The following LRMDA variants were observed in gnomAD, a reference collection of about 807,000 sequenced individuals.
LRMDA encodes the protein leucine rich melanocyte differentiation associated, also known as leucine-rich melanocyte differentiation-associated protein.
A neutral mutation model predicts 29.8 loss-of-function variants in LRMDA; 18 were observed. The observed-to-expected ratio is 0.60, with a 90% CI of 0.42 to 0.90. LRMDA has a LOEUF of 0.90. LRMDA is among the 40% of genes least tolerant of loss of function. The pLI, the probability that LRMDA is intolerant of heterozygous loss-of-function variation, is 0.00. For synonymous variants in LRMDA, 125 were observed against 109.4 expected, an observed-to-expected ratio of 1.14 and a Z score of -0.89; for missense variants, 273 against 273.9, an observed-to-expected ratio of 1.00 and a Z score of 0.02.
intron 2 of LRMDA, among the ~76,000 whole-genome samples, chr10:75,634,643 C>G (rs1304540426): frequency 6.6e-6 from 1 of 152,156 alleles, no homozygotes; most frequent in African/African-American, 2.4e-5. Context: ...AAATTGAAAA[C>G]AGAGGTATAA....
chr10:76,383,064 T>C (rs1016472003), intron 6 of LRMDA, among the ~76,000 whole-genome samples: 5 of 152,214 alleles, frequency 3.3e-5, no homozygotes, highest in Admixed American at 1.3e-4. Flanking sequence ...ATTCTCAAGC[T>C]ACATGTCTCA....
intron 2 of LRMDA, among the ~76,000 whole-genome samples, chr10:75,830,012 C>T (rs1427984469): frequency 6.6e-6 from 1 of 152,064 alleles, no homozygotes; most frequent in African/African-American, 2.4e-5. Flanking sequence ...CATAGATTTT[C>T]TTTGATTAGT....
chr10:75,507,116 T>TC (rs2132029819), intron 2 of LRMDA, among the ~76,000 whole-genome samples: 1 of 151,808 alleles, frequency 6.6e-6, no homozygotes, highest in South Asian at 2.1e-4. Flanking sequence ...GCATCTTTTT[T>TC]TTTTTTTTCC....
intron 5 of LRMDA, chr10:76,270,941 C>T (rs1840061018): frequency 6.6e-6 from 1 of 152,172 alleles, no homozygotes; most frequent in South Asian, 2.1e-4. Context: ...AGTGGTAAGG[C>T]CACCATCAAT....
chr10:76,417,518 C>G (rs751742760), intron 6 of LRMDA, among the ~76,000 whole-genome samples: 1 of 151,454 alleles, frequency 6.6e-6, no homozygotes, highest in Non-Finnish European at 1.5e-5. Flanking sequence ...CACAAACTCT[C>G]TCATATCGCA....
chr10:76,003,546 T>A (rs969593549), intron 2 of LRMDA, among the ~76,000 whole-genome samples: 1 of 151,940 alleles, frequency 6.6e-6, no homozygotes, highest in African/African-American at 2.4e-5. Context: ...GGGCAAAAAA[T>A]GCTATGGAAA....
chr10:76,191,496 C>T (rs1851246106), intron 5 of LRMDA, among the ~76,000 whole-genome samples: 1 of 152,220 alleles, frequency 6.6e-6, no homozygotes, highest in Non-Finnish European at 1.5e-5. Flanking sequence ...ATGCCCATGA[C>T]TGCCTTAGAT....
intron 2 of LRMDA, among the ~76,000 whole-genome samples, chr10:75,804,617 G>T (rs1358539798): frequency 1.3e-5 from 2 of 152,186 alleles, no homozygotes; most frequent in Non-Finnish European, 2.9e-5. Context: ...CTCCCTTCCT[G>T]CTGCATTGTG....
intron 2 of LRMDA, among the ~76,000 whole-genome samples, chr10:76,031,570 T>A (rs779605719): frequency 6.6e-6 from 1 of 152,180 alleles, no homozygotes; most frequent in Non-Finnish European, 1.5e-5. Flanking sequence ...TGCATGGAGA[T>A]CCCCTCTTAG....
intron 2 of LRMDA, among the ~76,000 whole-genome samples, chr10:75,517,642 GCAAA>G: frequency 6.6e-6 from 1 of 152,304 alleles, no homozygotes; most frequent in African/African-American, 2.4e-5. Context: ...CATGTCATCT[GCAAA>G]CAGAGACAAT....
chr10:75,842,739 G>C (rs1450347986), intron 2 of LRMDA, among the ~76,000 whole-genome samples: 2 of 152,102 alleles, frequency 1.3e-5, no homozygotes, highest in African/African-American at 4.8e-5. Flanking sequence ...CCAAAGAGGT[G>C]GAAAAGGGTG....
At chr10:75,738,896 C>T (rs1490608144) in intron 2 of LRMDA, among the ~76,000 whole-genome samples, 1 of 152,144 alleles carries the variant, frequency 6.6e-6, no homozygotes, top group African/African-American at 2.4e-5. Context: ...CAGAGTGAGT[C>T]AAACGCTCTC....
intron 2 of LRMDA, among the ~76,000 whole-genome samples, chr10:75,581,414 C>T (rs1334789552): frequency 6.6e-6 from 1 of 152,152 alleles, no homozygotes; most frequent in Admixed American, 6.5e-5. Flanking sequence ...AGTCAGGAAA[C>T]AACAGATGCT....
chr10:76,192,550 C>G (rs1404688475), intron 5 of LRMDA, among the ~76,000 whole-genome samples: 1 of 152,120 alleles, frequency 6.6e-6, no homozygotes, highest in African/African-American at 2.4e-5. Flanking sequence ...ATGCATGGCT[C>G]CCTGAATATC....
At chr10:75,526,523 G>A (rs1845414321) in intron 2 of LRMDA, among the ~76,000 whole-genome samples, 1 of 152,020 alleles carries the variant, frequency 6.6e-6, no homozygotes. Flanking sequence ...AAGAATGGAG[G>A]CAGTGACAGT....
chr10:75,580,598 C>T (rs1294982040), intron 2 of LRMDA, among the ~76,000 whole-genome samples: 1 of 152,282 alleles, frequency 6.6e-6, no homozygotes, highest in East Asian at 1.9e-4. Flanking sequence ...AAAAAAAGAG[C>T]CCGCATAGCC....
intron 2 of LRMDA, among the ~76,000 whole-genome samples, chr10:75,989,935 C>T (rs917645955): frequency 2.6e-5 from 4 of 152,166 alleles, no homozygotes; most frequent in East Asian, 1.9e-4. Context: ...ATGGTGAAAT[C>T]CCCCCCGCTC....
chr10:75,937,024 C>G (rs1023360050), intron 2 of LRMDA, among the ~76,000 whole-genome samples: 2 of 152,104 alleles, frequency 1.3e-5, no homozygotes, highest in African/African-American at 4.8e-5. Context: ...CTTCTGTTTA[C>G]TGGGTAAAAA....
intron 2 of LRMDA, among the ~76,000 whole-genome samples, chr10:75,723,647 T>C (rs1344803354): frequency 6.6e-6 from 1 of 152,180 alleles, no homozygotes; most frequent in Admixed American, 6.5e-5. Flanking sequence ...AGTGGCTCCA[T>C]ATAGACAGAA....
Sources: allele counts gnomAD v4.1 joint callset (sites outside exome capture counted in the v4.1 genomes callset), GRCh38; gene constraint gnomAD v4.1.1; transcripts MANE v1.5; gene names NCBI Gene and HGNC (gene_info 2026-07-23, HGNC 2026-07-21).